Variants in ARHGEF26 observed in about 807,000 individuals in gnomAD.
ARHGEF26 encodes Rho guanine nucleotide exchange factor 26, also known as Rho guanine nucleotide exchange factor (GEF) 26.
In ARHGEF26, 59 loss-of-function variants were observed where a neutral mutation model predicts 89.4. The ratio of observed to expected loss-of-function variants is 0.66; its 90% confidence interval spans 0.54 to 0.82. The LOEUF is 0.82. Among genes scored for constraint, ARHGEF26 ranks in the 40% least tolerant of loss-of-function variants. The pLI, the probability that ARHGEF26 is intolerant of heterozygous loss-of-function variation, is 0.00. For synonymous variants in ARHGEF26, 500 were observed against 428.4 expected, an observed-to-expected ratio of 1.17 and a Z score of -2.06; for missense variants, 1,234 against 1,085.6, an observed-to-expected ratio of 1.14 and a Z score of -1.92.
chr3:154,129,639 G>A lies in ARHGEF26; in HGVS notation c.1189G>A (p.Glu397Lys). ...ALDIDSDEESEPKEQKSDEKI... is the reference protein window; with the variant it reads ...ALDIDSDEESKPKEQKSDEKI... ...TGACATTGATTCTGATGAAGAGTCAGAGCCCAAAGAACAGAAGTCAGATGA... is the reference window on the plus strand; with the variant it reads ...TGACATTGATTCTGATGAAGAGTCAAAGCCCAAAGAACAGAAGTCAGATGA... Residue 397 changes from glutamate to lysine, a missense_variant, in exon 4 of 15, where the codon GAG (glutamate) becomes AAG (lysine). Physicochemically the swap from Glu to Lys is moderately conservative, Grantham distance 56. Coordinates refer to ENST00000465093, the MANE Select transcript of ARHGEF26 (RefSeq NM_015595.4). 1 of 1,611,696 alleles carries A rather than the reference G, an allele frequency of 6.2e-7. No individual in the cohort carries two copies. Among genetic ancestry groups the A allele is most frequent in the Non-Finnish European group, 8.5e-7 (1 of 1,178,820 alleles).
chr3:154,136,358 GACTA>G (rs1288826937), intron 4 of ARHGEF26, among the ~76,000 whole-genome samples: 1 of 136,526 alleles, frequency 7.3e-6, no homozygotes, highest in African/African-American at 2.7e-5. Context: ...TGCTAAGTGT[GACTA>G]ACAGTGCAAT....
At chr3:154,167,356 T>TA (rs1559873512) in intron 6 of ARHGEF26, among the ~76,000 whole-genome samples, 1 of 152,194 alleles carries the variant, frequency 6.6e-6, no homozygotes. Context: ...GAGTATTCCT[T>TA]AAAGTAGGAC....
intron 9 of ARHGEF26, among the ~76,000 whole-genome samples, chr3:154,197,054 A>G (rs1714336752): frequency 6.6e-6 from 1 of 152,106 alleles, no homozygotes; most frequent in Non-Finnish European, 1.5e-5. Flanking sequence ...TCATACTGAT[A>G]CTTTCAGGAA....
intron 12 of ARHGEF26, among the ~76,000 whole-genome samples, chr3:154,246,614 A>G (rs1275165454): frequency 6.6e-6 from 1 of 152,192 alleles, no homozygotes; most frequent in Non-Finnish European, 1.5e-5. Flanking sequence ...AGAACCACAT[A>G]AGCCATAGCA....
At chr3:154,143,260 A>C (rs1719493834) in intron 4 of ARHGEF26, among the ~76,000 whole-genome samples, 1 of 152,252 alleles carries the variant, frequency 6.6e-6, no homozygotes, top group Non-Finnish European at 1.5e-5. Context: ...TCAGATTTAA[A>C]AATATATAGA....
chr3:154,191,033 C>T (rs929204292), intron 7 of ARHGEF26, among the ~76,000 whole-genome samples: 2 of 152,180 alleles, frequency 1.3e-5, no homozygotes, highest in South Asian at 4.1e-4. Flanking sequence ...GTATAAATTT[C>T]TAGCTCCTAC....
intron 6 of ARHGEF26, among the ~76,000 whole-genome samples, chr3:154,158,745 A>C (rs768500487): frequency 1.3e-5 from 2 of 152,192 alleles, no homozygotes; most frequent in Non-Finnish European, 2.9e-5. Context: ...TTAATTCATA[A>C]CTAAACATCA....
Position 154,257,753 on chromosome 3 carries a change from T to C in ARHGEF26, c.*2280T>C, listed in dbSNP as rs1718610781. 6.6e-6 allele frequency: 1 copy of C among 152,220 alleles called. No individual in the cohort carries two copies. The highest frequency in any genetic ancestry group is 2.1e-4 in the South Asian group (1 of 4,832). The allele number at this position is 152,220 out of a possible 1,614,324, so 9.4% of individuals were successfully genotyped here. On this transcript the variant is annotated 3_prime_UTR_variant, in exon 15 of 15. Transcript: ENST00000465093. ...ACTAAAGAACAAAAATGTTCATTTT[T>C]GTCCCAGTAAATTGAGACTGCTTGT...
chr3:154,169,260 C>T (rs1712261969), intron 6 of ARHGEF26, among the ~76,000 whole-genome samples: 1 of 151,946 alleles, frequency 6.6e-6, no homozygotes, highest in Non-Finnish European at 1.5e-5. Flanking sequence ...AGTCGATACT[C>T]ATTATTTGCG....
chr3:154,194,735 A>T lies in ARHGEF26; in HGVS notation c.1845+17A>T, dbSNP rs775644626. 1.5e-5 allele frequency: 24 copies of T among 1,604,756 alleles called. No homozygotes were observed. The highest frequency in any genetic ancestry group is 2.0e-5 in the Non-Finnish European group (23 of 1,174,184). On this transcript the variant is annotated intron_variant, in intron 9 of 14. Coordinates refer to ENST00000465093, the MANE Select transcript of ARHGEF26 (RefSeq NM_015595.4). Reference sequence around the variant, plus strand: ...GTTAGCAAGGTAACTGTTGGGTGACAGTTTGTTTGTAAGACAGGAAACCAT... The same window carrying T: ...GTTAGCAAGGTAACTGTTGGGTGACTGTTTGTTTGTAAGACAGGAAACCAT...
chr3:154,159,568 CAA>C (rs1488305484), intron 6 of ARHGEF26, among the ~76,000 whole-genome samples: 1 of 152,016 alleles, frequency 6.6e-6, no homozygotes, highest in Non-Finnish European at 1.5e-5. Context: ...TAATTTTAAT[CAA>C]ACTCTATTAA....
intron 6 of ARHGEF26, among the ~76,000 whole-genome samples, chr3:154,160,053 C>G (rs1711562983): frequency 6.6e-6 from 1 of 152,054 alleles, no homozygotes; most frequent in South Asian, 2.1e-4. Flanking sequence ...AACAGAGAAA[C>G]TTTATTCTTT....
chr3:154,196,184 GCTAA>G (rs1239196904), intron 9 of ARHGEF26, among the ~76,000 whole-genome samples: 1 of 152,142 alleles, frequency 6.6e-6, no homozygotes, highest in Non-Finnish European at 1.5e-5. Flanking sequence ...GGCAGTGGTA[GCTAA>G]CTGTCTAAAT....
chr3:154,239,749 T>C (rs531116111), intron 11 of ARHGEF26, among the ~76,000 whole-genome samples: 6 of 152,124 alleles, frequency 3.9e-5, no homozygotes, highest in African/African-American at 1.4e-4. Context: ...ATGTTCACAG[T>C]GCGATGGGAA....
intron 4 of ARHGEF26, among the ~76,000 whole-genome samples, chr3:154,141,187 T>G (rs1267815071): frequency 8.7e-5 from 13 of 150,124 alleles, no homozygotes; most frequent in African/African-American, 3.2e-4. Context: ...GGATGGTCTC[T>G]ATCTCCTGAC....
intron 4 of ARHGEF26, among the ~76,000 whole-genome samples, chr3:154,149,098 A>G (rs553448691): frequency 1.4e-4 from 21 of 152,282 alleles, no homozygotes; most frequent in African/African-American, 2.9e-4. Context: ...CTAAGCCTCA[A>G]TTGTTACCCC....
intron 9 of ARHGEF26, among the ~76,000 whole-genome samples, chr3:154,215,145 ATC>A (rs1715639861): frequency 6.6e-6 from 1 of 152,150 alleles, no homozygotes; most frequent in Admixed American, 6.5e-5. Flanking sequence ...ACCGTGGCCT[ATC>A]TCTTTTGGCT....
At chr3:154,183,193 A>G (rs1713289398) in intron 6 of ARHGEF26, among the ~76,000 whole-genome samples, 1 of 152,200 alleles carries the variant, frequency 6.6e-6, no homozygotes, top group Non-Finnish European at 1.5e-5. Flanking sequence ...TTAACAGCCA[A>G]ACAGGGCTAA....
At chr3:154,129,003 G>A (rs1713856) in intron 3 of ARHGEF26, among the ~76,000 whole-genome samples, 1,802 of 152,170 alleles carry the variant, frequency 0.012, 13 homozygotes, top group Non-Finnish European at 0.018. Flanking sequence ...TGTATTTCAC[G>A]TGCTAAGCTG....
Sources: allele counts gnomAD v4.1 joint callset (sites outside exome capture counted in the v4.1 genomes callset), GRCh38; gene constraint gnomAD v4.1.1; transcripts MANE v1.5; gene names NCBI Gene and HGNC (gene_info 2026-07-23, HGNC 2026-07-21).